The following PPM1L variants were observed in gnomAD, a reference collection of about 807,000 sequenced individuals.
PPM1L encodes the protein protein phosphatase, Mg2+/Mn2+ dependent 1L.
PPM1L carries 13 observed loss-of-function variants against 31.4 expected under a neutral mutation model. The ratio of observed to expected loss-of-function variants is 0.41; its 90% CI spans 0.27 to 0.66. PPM1L has a LOEUF of 0.66. PPM1L is among the 30% of genes least tolerant of loss of function. PPM1L has a pLI of 0.29. For synonymous variants in PPM1L, 184 were observed against 175.4 expected (o/e 1.05, Z -0.39); for missense variants, 326 against 453.7 (o/e 0.72, Z 2.56).
chr3:161,006,680 CTTTT>C (rs1180679318), intron 2 of PPM1L, among the ~76,000 whole-genome samples: 2 of 118,898 alleles, frequency 1.7e-5, no homozygotes, highest in African/African-American at 3.4e-5. Context: ...ACCGTCTTTC[CTTTT>C]TTTTTTTTTT....
intron 1 of PPM1L, among the ~76,000 whole-genome samples, chr3:160,801,476 G>A (rs1045279968): frequency 2.0e-5 from 3 of 152,288 alleles, no homozygotes; most frequent in East Asian, 3.9e-4. Flanking sequence ...GTCACAGGAC[G>A]AAGAACATTT....
At chr3:161,033,091 G>C (rs1286305221) in intron 2 of PPM1L, among the ~76,000 whole-genome samples, 1 of 151,826 alleles carries the variant, frequency 6.6e-6, no homozygotes, top group Non-Finnish European at 1.5e-5. Flanking sequence ...CCCATTCACA[G>C]TTTCTACAAA....
intron 2 of PPM1L, among the ~76,000 whole-genome samples, chr3:160,982,882 G>T (rs932280330): frequency 1.3e-5 from 2 of 152,180 alleles, no homozygotes; most frequent in African/African-American, 4.8e-5. Context: ...GGAACTGCAA[G>T]TAACTTTCCT....
chr3:161,030,350 A>G (rs1281199887), intron 2 of PPM1L, among the ~76,000 whole-genome samples: 1 of 152,000 alleles, frequency 6.6e-6, no homozygotes, highest in Non-Finnish European at 1.5e-5. Context: ...TTGTTCGTTT[A>G]TTAATTTGCC....
chr3:160,997,950 T>G (rs1717377110), intron 2 of PPM1L, among the ~76,000 whole-genome samples: 1 of 152,108 alleles, frequency 6.6e-6, no homozygotes, highest in Non-Finnish European at 1.5e-5. Context: ...AAGTACCACA[T>G]GAAGCAGGAT....
At chr3:160,795,666 A>G (rs941457935) in intron 1 of PPM1L, among the ~76,000 whole-genome samples, 2 of 152,224 alleles carry the variant, frequency 1.3e-5, no homozygotes, top group Non-Finnish European at 2.9e-5. Context: ...TAGTAACTTT[A>G]TATGGCAAAT....
chr3:161,021,954 T>C (rs1184644949), intron 2 of PPM1L, among the ~76,000 whole-genome samples: 1 of 152,110 alleles, frequency 6.6e-6, no homozygotes, highest in Non-Finnish European at 1.5e-5. Context: ...TCTATTTTGC[T>C]AATCTCTGCC....
At chr3:160,798,406 A>G (rs879530950) in intron 1 of PPM1L, among the ~76,000 whole-genome samples, 1 of 152,170 alleles carries the variant, frequency 6.6e-6, no homozygotes. Flanking sequence ...TTGTTAAGAG[A>G]TAATGTAGCT....
intron 2 of PPM1L, among the ~76,000 whole-genome samples, chr3:160,998,459 T>C (rs1717390656): frequency 6.6e-6 from 1 of 152,220 alleles, no homozygotes; most frequent in Admixed American, 6.5e-5. Context: ...CATGTCATTC[T>C]TGTCCCTCTC....
chr3:160,835,039 A>ACTACTACTTCTTCTTCTTCTTCTT (rs760363593), intron 1 of PPM1L, among the ~76,000 whole-genome samples: 4 of 131,754 alleles, frequency 3.0e-5, no homozygotes, highest in Non-Finnish European at 6.3e-5. Flanking sequence ...TACTACTACT[A>ACTACTACTTCTTCTTCTTCTTCTT]CTTCTTCTTC....
intron 2 of PPM1L, among the ~76,000 whole-genome samples, chr3:161,062,542 A>G (rs1002384914): frequency 8.5e-5 from 13 of 152,318 alleles, no homozygotes; most frequent in East Asian, 5.8e-4. Context: ...CAATTTGTCT[A>G]TCTTCTGCAT....
intron 1 of PPM1L, among the ~76,000 whole-genome samples, chr3:160,898,832 A>G (rs1241422959): frequency 6.6e-6 from 1 of 152,206 alleles, no homozygotes; most frequent in African/African-American, 2.4e-5. Flanking sequence ...TCTAATCTTC[A>G]TAGCAACGTT....
At chr3:160,822,428 A>G (rs1190234059) in intron 1 of PPM1L, among the ~76,000 whole-genome samples, 1 of 152,024 alleles carries the variant, frequency 6.6e-6, no homozygotes, top group Non-Finnish European at 1.5e-5. Flanking sequence ...TCCTAAGGAT[A>G]TTTTATGTTT....
intron 1 of PPM1L, among the ~76,000 whole-genome samples, chr3:160,822,471 A>G (rs1713228529): frequency 6.6e-6 from 1 of 152,114 alleles, no homozygotes; most frequent in East Asian, 1.9e-4. Context: ...ATGTATAACA[A>G]GAGTGTTTCT....
intron 1 of PPM1L, among the ~76,000 whole-genome samples, chr3:160,933,905 TG>T (rs1194026753): frequency 6.6e-6 from 1 of 152,234 alleles, no homozygotes; most frequent in Non-Finnish European, 1.5e-5. Context: ...TCCTGAGAAA[TG>T]TGTTTAATGG....
intron 1 of PPM1L, among the ~76,000 whole-genome samples, chr3:160,940,924 A>G (rs1245946322): frequency 6.6e-6 from 1 of 152,148 alleles, no homozygotes; most frequent in African/African-American, 2.4e-5. Flanking sequence ...ACACCAGCTC[A>G]TGACAGCAGC....
At chr3:160,851,138 A>G (rs1035307527) in intron 1 of PPM1L, among the ~76,000 whole-genome samples, 12 of 152,206 alleles carry the variant, frequency 7.9e-5, no homozygotes, top group African/African-American at 2.9e-4. Flanking sequence ...CTTACCTTAT[A>G]GGCAAGAGTT....
chr3:160,942,731 C>A (rs762875883), intron 1 of PPM1L, among the ~76,000 whole-genome samples: 46 of 152,158 alleles, frequency 3.0e-4, no homozygotes, highest in Non-Finnish European at 5.7e-4. Flanking sequence ...ATCATACAAA[C>A]TTCATTTAGA....
At chr3:161,066,772 G>A (rs1439659159) in intron 3 of PPM1L, among the ~76,000 whole-genome samples, 1 of 152,164 alleles carries the variant, frequency 6.6e-6, no homozygotes, top group East Asian at 1.9e-4. Context: ...TCTGCACATT[G>A]ACTCTCGATC....
Sources: allele counts gnomAD v4.1 joint callset (sites outside exome capture counted in the v4.1 genomes callset), GRCh38; gene constraint gnomAD v4.1.1; transcripts MANE v1.5; gene names NCBI Gene and HGNC (gene_info 2026-07-23, HGNC 2026-07-21).